The following VDAC1 variants were observed in gnomAD, a reference collection of about 807,000 sequenced individuals.
VDAC1 encodes voltage dependent anion channel 1, also known as non-selective voltage-gated ion channel VDAC1.
Under a neutral mutation model 34.7 loss-of-function variants are expected in VDAC1, and 10 were observed. That is an observed-to-expected ratio of 0.29 (90% CI 0.18 to 0.49). VDAC1 has a LOEUF of 0.49. VDAC1 is among the 20% of genes least tolerant of loss of function. The pLI is 0.99. For missense variants in VDAC1, 230 were observed against 347.9 expected, an observed-to-expected ratio of 0.66 and a Z score of 2.69; for synonymous variants, 130 against 136.0, an observed-to-expected ratio of 0.96 and a Z score of 0.30.
At chr5:134,078,474 G>T in the VDAC1 span, among the ~76,000 whole-genome samples, 1 of 152,108 alleles carries the variant, frequency 6.6e-6, no homozygotes, top group Admixed American at 6.6e-5. Flanking sequence ...ACCCGCCACC[G>T]CAAGGCACCT....
Position 133,993,143 on chromosome 5 carries a change from G to A in VDAC1, c.-6-125C>T, listed in dbSNP as rs186488126. ...CACCTAGCACTAAGACTACCAGGTA[G>A]CTTATCCTCCCAGATGGGCCAAGAA... On this transcript the variant is annotated intron_variant, in intron 1 of 8. Coordinates refer to ENST00000265333, the MANE Select transcript of VDAC1 (RefSeq NM_003374.3). 493 of 991,148 alleles carry A rather than the reference G, an allele frequency of 5.0e-4. 3 individuals carry two copies. The highest frequency in any genetic ancestry group is 8.1e-5 in the Non-Finnish European group (55 of 681,230). 61.4% of individuals were successfully genotyped at this position (991,148 alleles called of 1,614,324 possible). A position where few individuals can be genotyped will look rare whatever the true frequency, so the allele number is the denominator to read the frequency against.
the VDAC1 span, among the ~76,000 whole-genome samples, chr5:134,076,269 A>G: frequency 6.6e-6 from 1 of 152,026 alleles, no homozygotes; most frequent in East Asian, 1.9e-4. Context: ...ATGAGCCACC[A>G]TGCCCAGCCC....
chr5:133,972,667 A>G lies in VDAC1; in HGVS notation c.*104T>C. 1.1e-6 allele frequency: 1 copy of G among 913,712 alleles called. No individual in the cohort carries two copies. The allele number at this position is 913,712 out of a possible 1,614,324, so 56.6% of individuals were successfully genotyped here. On this transcript the variant is annotated 3_prime_UTR_variant, in exon 9 of 9. Coordinates refer to ENST00000265333, the MANE Select transcript of VDAC1 (RefSeq NM_003374.3). ...TTTAACCTGGAGGGCTAACATATTTAGCAATACTTGCATCCCAGACATACA... is the reference window on the plus strand; with the variant it reads ...TTTAACCTGGAGGGCTAACATATTTGGCAATACTTGCATCCCAGACATACA...
chr5:134,060,895 T>TTTTTTTTTTA, the VDAC1 span, among the ~76,000 whole-genome samples: 2 of 144,814 alleles, frequency 1.4e-5, no homozygotes, highest in Admixed American at 6.9e-5. Flanking sequence ...TTTTTTTTTT[T>TTTTTTTTTTA]GAGACAGGGT....
the VDAC1 span, among the ~76,000 whole-genome samples, chr5:134,025,426 CAACAT>C: frequency 6.6e-6 from 1 of 152,192 alleles, no homozygotes; most frequent in East Asian, 1.9e-4. Flanking sequence ...ACTCGCACGT[CAACAT>C]AAGATTCGGA....
chr5:134,006,962 G>T, upstream of VDAC1, among the ~76,000 whole-genome samples: 1 of 151,722 alleles, frequency 6.6e-6, no homozygotes. Context: ...GTAGGCACTC[G>T]GCCCCGTGCA....
At chr5:134,060,665 A>C in the VDAC1 span, among the ~76,000 whole-genome samples, 1 of 151,696 alleles carries the variant, frequency 6.6e-6, no homozygotes, top group Non-Finnish European at 1.5e-5. Flanking sequence ...GGGAAGGAGG[A>C]TACAATAGTA....
chr5:134,088,096 A>G, the VDAC1 span, among the ~76,000 whole-genome samples: 2 of 152,118 alleles, frequency 1.3e-5, no homozygotes, highest in Admixed American at 6.6e-5. Context: ...CAGAGGTTGC[A>G]GTGAGCTGAG....
chr5:134,013,747 A>G, the VDAC1 span, among the ~76,000 whole-genome samples: 1 of 151,982 alleles, frequency 6.6e-6, no homozygotes, highest in Non-Finnish European at 1.5e-5. Context: ...GTTCAAGACC[A>G]TCCTGGCCAA....
At chr5:134,099,578 T>C in the VDAC1 span, among the ~76,000 whole-genome samples, 2 of 152,118 alleles carry the variant, frequency 1.3e-5, no homozygotes, top group Non-Finnish European at 2.9e-5. Flanking sequence ...AACCACCTTC[T>C]TTTTTTAACT....
chr5:134,097,594 C>T, the VDAC1 span, among the ~76,000 whole-genome samples: 1 of 152,228 alleles, frequency 6.6e-6, no homozygotes, highest in Non-Finnish European at 1.5e-5. Context: ...CCTCGGTTCA[C>T]CCTGTAGAGG....
chr5:134,027,662 T>C, the VDAC1 span, among the ~76,000 whole-genome samples: 2 of 151,864 alleles, frequency 1.3e-5, no homozygotes, highest in Non-Finnish European at 2.9e-5. Flanking sequence ...CAACCAACAC[T>C]AACTTTCATT....
chr5:134,054,756 C>G, the VDAC1 span, among the ~76,000 whole-genome samples: 1 of 152,166 alleles, frequency 6.6e-6, no homozygotes, highest in Non-Finnish European at 1.5e-5. Context: ...CCACCTCGCC[C>G]AACTGGACCA....
At chr5:133,996,176 C>A (rs1753298028) in intron 1 of VDAC1, among the ~76,000 whole-genome samples, 1 of 152,152 alleles carries the variant, frequency 6.6e-6, no homozygotes, top group Admixed American at 6.5e-5. Flanking sequence ...CAGGGCAGAG[C>A]CTGGGGGCTT....
the VDAC1 span, among the ~76,000 whole-genome samples, chr5:134,103,053 C>T: frequency 6.6e-6 from 1 of 152,180 alleles, no homozygotes; most frequent in Admixed American, 6.5e-5. Context: ...TGAGGGCCGG[C>T]TCAGCTCAGA....
chr5:134,080,311 G>A, the VDAC1 span, among the ~76,000 whole-genome samples: 194 of 152,312 alleles, frequency 1.3e-3, no homozygotes, highest in African/African-American at 4.6e-3. Context: ...CCTTTTGCCC[G>A]GCCTGGGGTC....
At chr5:134,068,374 T>C in the VDAC1 span, among the ~76,000 whole-genome samples, 69 of 152,120 alleles carry the variant, frequency 4.5e-4, no homozygotes, top group African/African-American at 1.6e-3. Flanking sequence ...CAGCAATTTT[T>C]TCAATGAGGG....
chr5:134,070,143 CT>C, the VDAC1 span, among the ~76,000 whole-genome samples: 1 of 152,188 alleles, frequency 6.6e-6, no homozygotes, highest in Admixed American at 6.5e-5. Flanking sequence ...TATTCCTTTA[CT>C]TTCTTATTTT....
chr5:134,088,887 C>T, the VDAC1 span, among the ~76,000 whole-genome samples: 14 of 152,208 alleles, frequency 9.2e-5, no homozygotes, highest in Non-Finnish European at 1.5e-4. Flanking sequence ...GAACTTCATA[C>T]GAATGGACTC....
Sources: gnomAD v4.1 joint callset for allele counts (sites outside exome capture counted in the v4.1 genomes callset) on GRCh38, gnomAD v4.1.1 for gene constraint, MANE v1.5 for transcripts, NCBI Gene and HGNC (gene_info 2026-07-23, HGNC 2026-07-21) for gene names.